The following TULP4 variants were observed in gnomAD, a reference collection of about 807,000 sequenced individuals.
The protein encoded by TULP4 is TUB like protein 4.
A neutral mutation model predicts 129.0 loss-of-function variants in TULP4; 16 were observed. The observed-to-expected ratio is 0.12, with a 90% confidence interval of 0.08 to 0.19. TULP4 has a LOEUF of 0.19. Ranked by LOEUF, TULP4 falls within the 10% of genes least tolerant of loss-of-function variation. The probability of loss-of-function intolerance (pLI) is 1.00; values close to 1 mark genes in which losing one functional copy is unlikely to be tolerated. For synonymous variants in TULP4, 998 were observed against 854.0 expected (o/e 1.17, Z -2.94); for missense variants, 1,842 against 2,059.1 (o/e 0.89, Z 2.04).
chr6:158,419,179 C>G (rs1778280661), intron 2 of TULP4, among the ~76,000 whole-genome samples: 1 of 152,316 alleles, frequency 6.6e-6, no homozygotes, highest in East Asian at 1.9e-4. Context: ...CAAGAGCTAT[C>G]TCACAAACCA....
In TULP4 at chr6:158,385,849, T is replaced by TC. The variant is rs1168090996; in HGVS notation, c.253-27216_253-27215insC. Reference sequence around the variant, plus strand: ...TCTACAAATGTGGAATATCTTTTTTTTTTTTTTTTTTTTGAGAAAAAGTCT... The same window carrying TC: ...TCTACAAATGTGGAATATCTTTTTTTCTTTTTTTTTTTTTGAGAAAAAGTCT... On this transcript the variant is annotated intron_variant, in intron 1 of 13. Coordinates refer to ENST00000367097, the MANE Select transcript of TULP4 (RefSeq NM_020245.5). Among the ~76,000 whole-genome samples, 3 of 134,312 alleles carry TC rather than the reference T, an allele frequency of 2.2e-5. No homozygotes were observed. The East Asian group carries it at 6.2e-4, about 28-fold the overall frequency. 88.1% of individuals were successfully genotyped at this position (134,312 alleles called of 152,430 possible). A position where few individuals can be genotyped will look rare whatever the true frequency, so the allele number is the denominator to read the frequency against.
intron 1 of TULP4, among the ~76,000 whole-genome samples, chr6:158,403,623 G>T (rs999039202): frequency 6.6e-6 from 1 of 152,110 alleles, no homozygotes; most frequent in Non-Finnish European, 1.5e-5. Context: ...AGCTGTTTCC[G>T]CCCGGTTTTG....
intron 12 of TULP4, among the ~76,000 whole-genome samples, chr6:158,501,198 TTC>T (rs1430743947): frequency 6.6e-6 from 1 of 152,208 alleles, no homozygotes; most frequent in Admixed American, 6.5e-5. Flanking sequence ...GTGCATACAT[TTC>T]TTATACACAT....
Position 158,481,273 on chromosome 6 carries a change from G to A in TULP4, c.1470G>A (p.Arg490=), listed in dbSNP as rs1261277248. ...CAGAGTTCGTCATCATGGACCCGCGGACAGATAGCAAACCAGGTGGGCCCC... is the reference window on the plus strand; with the variant it reads ...CAGAGTTCGTCATCATGGACCCGCGAACAGATAGCAAACCAGGTGGGCCCC... ...LRPEFVIMDP[R]TDSKPDEIYG... The change falls in exon 8 of 14, where the codon CGG becomes CGA. Residue 490 remains arginine (R), a synonymous_variant. Transcript: ENST00000367097. The A allele has an allele frequency of 6.2e-7, 1 of 1,613,812 alleles. No homozygotes were observed. The highest frequency in any genetic ancestry group is 2.2e-5 in the East Asian group (1 of 44,870).
chr6:158,447,829 G>A (rs751793150), intron 3 of TULP4, among the ~76,000 whole-genome samples: 4 of 152,206 alleles, frequency 2.6e-5, no homozygotes, highest in Admixed American at 6.5e-5. Flanking sequence ...TAAGTTGCTC[G>A]TGTGTTTGTA....
chr6:158,426,491 GT>G (rs1778498201), intron 2 of TULP4, among the ~76,000 whole-genome samples: 8 of 51,412 alleles, frequency 1.6e-4, no homozygotes, highest in African/African-American at 7.9e-4. Context: ...TTTCCCCGTT[GT>G]TTGTTTTTGT....
intron 2 of TULP4, among the ~76,000 whole-genome samples, chr6:158,414,333 G>T (rs926238901): frequency 5.1e-5 from 6 of 118,682 alleles, no homozygotes; most frequent in African/African-American, 1.6e-4. Context: ...GTGGACATGT[G>T]ATTAAGAGCA....
chr6:158,493,477 G>C lies in TULP4; in HGVS notation c.1632-96G>C, dbSNP rs148375382. ...TGCAGGGTGAGAACCCAACACCCAG[G>C]CTGGCTGTCCAGAAAAAGAAAGGAC... is the stretch of plus-strand genomic sequence containing the variant. On this transcript the variant is annotated intron_variant, in intron 9 of 13. Coordinates refer to ENST00000367097, the MANE Select transcript of TULP4 (RefSeq NM_020245.5). The surrounding 1 kb of genome is among the most constrained non-coding windows in gnomAD (Gnocchi z 4.4). 5 of 1,303,550 alleles carry C rather than the reference G, an allele frequency of 3.8e-6. No homozygotes were observed. Among genetic ancestry groups the C allele is most frequent in the South Asian group, 4.3e-5 (2 of 46,384 alleles). The allele number at this position is 1,303,550 out of a possible 1,614,324, so 80.7% of individuals were successfully genotyped here.
intron 1 of TULP4, among the ~76,000 whole-genome samples, chr6:158,412,449 T>A (rs1399008952): frequency 6.6e-6 from 1 of 152,226 alleles, no homozygotes; most frequent in Non-Finnish European, 1.5e-5. Context: ...GATCAGAATT[T>A]TTCAAATTAA....
chr6:158,239,874 T>TC (rs1777825285), intron 1 of TULP4, among the ~76,000 whole-genome samples: 1 of 46,216 alleles, frequency 2.2e-5, no homozygotes, highest in Non-Finnish European at 4.7e-5. Flanking sequence ...GCTCCTCACT[T>TC]CCCAGTAGGG....
At chr6:158,289,066 G>T (rs1211226544) in intron 1 of TULP4, among the ~76,000 whole-genome samples, 1 of 152,158 alleles carries the variant, frequency 6.6e-6, no homozygotes, top group Non-Finnish European at 1.5e-5. Context: ...TTCTTTGTGG[G>T]ATGATTTTAA....
At chr6:158,242,291 C>T in intron 1 of TULP4, 1 of 1,560,892 alleles carries the variant, frequency 6.4e-7, no homozygotes, top group Non-Finnish European at 8.8e-7. Flanking sequence ...GTGTTTAGCA[C>T]AGCTCATGTG....
At chr6:158,381,351 A>C (rs563504599) in intron 1 of TULP4, among the ~76,000 whole-genome samples, 5 of 152,288 alleles carry the variant, frequency 3.3e-5, no homozygotes, top group South Asian at 4.1e-4. Context: ...GACTCCAAAC[A>C]GGGCTGGGGC....
At chr6:158,237,683 T>C (rs1447238657) in intron 1 of TULP4, 7 of 1,132,898 alleles carry the variant, frequency 6.2e-6, no homozygotes, top group Non-Finnish European at 9.3e-6. Flanking sequence ...CCCTTCTTTT[T>C]CTTTTTCAAA....
intron 9 of TULP4, among the ~76,000 whole-genome samples, chr6:158,492,471 T>C (rs985545144): frequency 9.9e-5 from 15 of 152,238 alleles, no homozygotes; most frequent in Non-Finnish European, 4.4e-5. Flanking sequence ...CTTGTTAAAA[T>C]TGCATGTAAC....
At chr6:158,234,353 C>T (rs1777649561) in intron 1 of TULP4, among the ~76,000 whole-genome samples, 1 of 152,096 alleles carries the variant, frequency 6.6e-6, no homozygotes, top group Non-Finnish European at 1.5e-5. Context: ...AGTCAAGAGA[C>T]AGCAGCCTTC....
At chr6:158,425,151 C>G (rs1403930890) in intron 2 of TULP4, among the ~76,000 whole-genome samples, 1 of 35,940 alleles carries the variant, frequency 2.8e-5, no homozygotes, top group Non-Finnish European at 4.7e-5. Flanking sequence ...GAGACACCAT[C>G]TCAAAAAAAA....
At chr6:158,332,951 A>G (rs1395909500) in intron 1 of TULP4, among the ~76,000 whole-genome samples, 1 of 152,216 alleles carries the variant, frequency 6.6e-6, no homozygotes. Context: ...ACATACATGC[A>G]TATATGTATA....
At chr6:158,305,831 T>C (rs1779209436) in intron 1 of TULP4, among the ~76,000 whole-genome samples, 1 of 152,210 alleles carries the variant, frequency 6.6e-6, no homozygotes, top group East Asian at 1.9e-4. Context: ...TGCTTTTTAA[T>C]CATTTTATAC....
Sources: gnomAD v4.1 joint callset for allele counts (sites outside exome capture counted in the v4.1 genomes callset) on GRCh38, gnomAD v4.1.1 for gene constraint, Gnocchi (gnomAD v3.1) non-coding constraint, MANE v1.5 for transcripts, NCBI Gene and HGNC (gene_info 2026-07-23, HGNC 2026-07-21) for gene names.